Variants in KATNAL1 observed in about 807,000 individuals in gnomAD.
The protein encoded by KATNAL1 is katanin catalytic subunit A1 like 1.
A neutral mutation model predicts 55.2 loss-of-function variants in KATNAL1; 32 were observed. The observed-to-expected ratio is 0.58, with a 90% CI of 0.44 to 0.78. KATNAL1 has a LOEUF of 0.78. Among genes scored for constraint, KATNAL1 ranks in the 30% least tolerant of loss-of-function variants. KATNAL1 has a pLI of 0.00. For synonymous variants in KATNAL1, 193 were observed against 193.6 expected (o/e 1.00, Z 0.02); for missense variants, 466 against 600.9 (o/e 0.78, Z 2.35).
chr13:30,225,423 G>A (rs1376120702), intron 9 of KATNAL1, among the ~76,000 whole-genome samples: 1 of 151,778 alleles, frequency 6.6e-6, no homozygotes, highest in East Asian at 1.9e-4. Context: ...TATTTGAAAG[G>A]CACAAGTTAC....
At chr13:30,258,019 C>T (rs918344142) in intron 3 of KATNAL1, among the ~76,000 whole-genome samples, 1 of 152,184 alleles carries the variant, frequency 6.6e-6, no homozygotes, top group Non-Finnish European at 1.5e-5. Context: ...GCTGTGTAAA[C>T]AATAAAGGTC....
At chr13:30,225,675 C>T (rs1252899400) in intron 9 of KATNAL1, among the ~76,000 whole-genome samples, 3 of 151,464 alleles carry the variant, frequency 2.0e-5, no homozygotes, top group Non-Finnish European at 4.4e-5. Context: ...CACACACACA[C>T]ACACACACAC....
At position 30,307,422 on chromosome 13, in the gene KATNAL1, G is replaced by A; in HGVS notation, c.-106C>T. 6.5e-6 allele frequency: 1 copy of A among 154,692 alleles called. No homozygotes were observed. Among genetic ancestry groups the A allele is most frequent in the Non-Finnish European group, 1.4e-5 (1 of 69,922 alleles). The allele number at this position is 154,692 out of a possible 1,614,324, so 9.6% of individuals were successfully genotyped here. A position where few individuals can be genotyped will look rare whatever the true frequency, so the allele number is the denominator to read the frequency against. On this transcript the variant is annotated 5_prime_UTR_variant, in exon 1 of 11. The change creates a new upstream start codon in the 5' untranslated region. Coordinates refer to ENST00000380615, the MANE Select transcript of KATNAL1 (RefSeq NM_032116.5). ...CGCCGCCGCCGCCGCCGCCGAGTCCGTTAGCTCGCGACGTGCGTGAAAAGG... is the reference window on the plus strand; with the variant it reads ...CGCCGCCGCCGCCGCCGCCGAGTCCATTAGCTCGCGACGTGCGTGAAAAGG...
At chr13:30,264,707 A>C (rs1879601853) in intron 3 of KATNAL1, among the ~76,000 whole-genome samples, 1 of 124,606 alleles carries the variant, frequency 8.0e-6, no homozygotes, top group Non-Finnish European at 1.7e-5. Context: ...GGCAATCATT[A>C]AAAAGTCAGG....
At chr13:30,284,482 T>G (rs1007928133) in intron 1 of KATNAL1, among the ~76,000 whole-genome samples, 1 of 152,156 alleles carries the variant, frequency 6.6e-6, no homozygotes, top group Admixed American at 6.5e-5. Context: ...TCTACTGAAG[T>G]CAGTTGAAAC....
In KATNAL1 at chr13:30,208,514, C is replaced by G. The variant is rs1171968474; in HGVS notation, c.*26G>C. The G allele has an allele frequency of 2.8e-6, 4 of 1,449,046 alleles. No individual in the cohort carries two copies. In the South Asian group the frequency reaches 6.2e-5, roughly 23 times the overall value. The allele number at this position is 1,449,046 out of a possible 1,614,324, so 89.8% of individuals were successfully genotyped here. A position where few individuals can be genotyped will look rare whatever the true frequency, so the allele number is the denominator to read the frequency against. ...TCTTCGTATTTTATCAACAAAAATA[C>G]CAGAAATTAAAGAGCTGACAGAAAT... On this transcript the variant is annotated 3_prime_UTR_variant, in exon 11 of 11. Transcript: ENST00000380615.
At chr13:30,212,839 C>T (rs1427819586) in intron 9 of KATNAL1, among the ~76,000 whole-genome samples, 1 of 152,144 alleles carries the variant, frequency 6.6e-6, no homozygotes, top group Non-Finnish European at 1.5e-5. Context: ...AATTTTTAGG[C>T]AACTCCTAAC....
chr13:30,269,629 C>T (rs1356395098), intron 3 of KATNAL1, among the ~76,000 whole-genome samples: 2 of 151,018 alleles, frequency 1.3e-5, no homozygotes, highest in Non-Finnish European at 3.0e-5. Flanking sequence ...AAGTGAGGAG[C>T]GCCTCTGCCT....
At chr13:30,231,678 T>C (rs2277450) in intron 6 of KATNAL1, among the ~76,000 whole-genome samples, 14,941 of 152,034 alleles carry the variant, frequency 0.098, 994 homozygotes, top group African/African-American at 0.19. Context: ...AAGCCAGAGG[T>C]AGTCAGAGAT....
chr13:30,269,986 C>T (rs1439919256), intron 3 of KATNAL1, among the ~76,000 whole-genome samples: 1 of 147,342 alleles, frequency 6.8e-6, no homozygotes, highest in African/African-American at 2.5e-5. Context: ...AGTGAGGAGC[C>T]CCTCTGCCCG....
rs1171020977 is a variant in KATNAL1 at position 30,204,894 on chromosome 13, C to T, written c.*3646G>A. 2.0e-5 allele frequency: 3 copies of T among 152,002 alleles called. No homozygotes were observed. Among genetic ancestry groups the T allele is most frequent in the Non-Finnish European group, 4.4e-5 (3 of 67,986 alleles). 9.4% of individuals were successfully genotyped at this position (152,002 alleles called of 1,614,324 possible). A position where few individuals can be genotyped will look rare whatever the true frequency, so the allele number is the denominator to read the frequency against. On this transcript the variant is annotated 3_prime_UTR_variant, in exon 11 of 11. Transcript: ENST00000380615. ...AGACCCGAAAGTGTGTAGATAAAGT[C>T]TGTGATGCCACCATCTATTGTCTAC...
chr13:30,281,777 G>T (rs1881361407), intron 2 of KATNAL1: 1 of 152,148 alleles, frequency 6.6e-6, no homozygotes, highest in East Asian at 1.9e-4. Context: ...GTCTGCATTG[G>T]CAGCACATAC....
At chr13:30,299,980 AACACACAC>A (rs143141264) in intron 1 of KATNAL1, among the ~76,000 whole-genome samples, 4,275 of 151,190 alleles carry the variant, frequency 0.028, 79 homozygotes, top group Non-Finnish European at 0.036. Flanking sequence ...CATCACCCAC[AACACACAC>A]ACACACACAT....
At chr13:30,305,835 T>C (rs1001055148) in intron 1 of KATNAL1, among the ~76,000 whole-genome samples, 2 of 152,262 alleles carry the variant, frequency 1.3e-5, no homozygotes, top group Admixed American at 1.3e-4. Context: ...CCTGGCATAA[T>C]GCCTGGCACA....
intron 3 of KATNAL1, among the ~76,000 whole-genome samples, chr13:30,260,226 C>T (rs1215073379): frequency 6.6e-6 from 1 of 152,178 alleles, no homozygotes; most frequent in African/African-American, 2.4e-5. Flanking sequence ...ATCTGTACAT[C>T]ACCATCATCA....
chr13:30,222,395 T>A (rs1208045885), intron 9 of KATNAL1, among the ~76,000 whole-genome samples: 1 of 152,162 alleles, frequency 6.6e-6, no homozygotes, highest in Non-Finnish European at 1.5e-5. Context: ...GATTTTGGAC[T>A]TACCAGCCCC....
Position 30,240,997 on chromosome 13 carries a change from A to G in KATNAL1, c.582T>C (p.Leu194=), listed in dbSNP as rs755654145. Residue 194 remains leucine (L), a synonymous_variant, in exon 5 of 11, where the codon CTT becomes CTC. Transcript: ENST00000380615. The part of the protein sequence containing the change: ...AGYDKDLVEA[L]ERDIVSRNPS... ...GATTCCTGGATACAATGTCTCTTTC[A>G]AGGGCTTCCACCAGATCCTTATCAT... 8.1e-6 allele frequency: 13 copies of G among 1,613,420 alleles called. No homozygotes were observed. The East Asian group carries it at 2.7e-4, about 33-fold the overall frequency.
chr13:30,241,584 A>C (rs1034315139), intron 4 of KATNAL1, among the ~76,000 whole-genome samples: 6 of 152,238 alleles, frequency 3.9e-5, no homozygotes, highest in African/African-American at 1.4e-4. Flanking sequence ...GACGAGCTTT[A>C]AATGAAATTC....
chr13:30,294,267 G>A (rs2137559014), intron 1 of KATNAL1, among the ~76,000 whole-genome samples: 1 of 152,272 alleles, frequency 6.6e-6, no homozygotes, highest in Non-Finnish European at 1.5e-5. Context: ...TCGTGCCAAA[G>A]AGCCAAGTTG....
Sources: gnomAD v4.1 joint callset for allele counts (sites outside exome capture counted in the v4.1 genomes callset) on GRCh38, gnomAD v4.1.1 for gene constraint, MANE v1.5 for transcripts, NCBI Gene and HGNC (gene_info 2026-07-23, HGNC 2026-07-21) for gene names.